The following UNC5C variants were observed in gnomAD, a reference collection of about 807,000 sequenced individuals.
The protein encoded by UNC5C is unc-5 netrin receptor C, also known as netrin receptor UNC5C.
In UNC5C, 47 loss-of-function variants were observed where a neutral mutation model predicts 99.8. That is an observed-to-expected ratio of 0.47 (90% CI 0.37 to 0.60). The LOEUF is 0.60. UNC5C is among the 20% of genes least tolerant of loss of function. The pLI, the probability that UNC5C is intolerant of heterozygous loss-of-function variation, is 0.00. For synonymous variants in UNC5C, 487 were observed against 452.2 expected, an observed-to-expected ratio of 1.08 and a Z score of -0.98; for missense variants, 1,062 against 1,165.9, an observed-to-expected ratio of 0.91 and a Z score of 1.30.
At chr4:95,413,344 T>C (rs1011205245) in intron 1 of UNC5C, among the ~76,000 whole-genome samples, 8 of 152,154 alleles carry the variant, frequency 5.3e-5, no homozygotes, top group Admixed American at 5.2e-4. Context: ...TGCTGACCTA[T>C]ATTTCCCTGC....
chr4:95,230,676 C>G (rs1238077015), intron 7 of UNC5C, among the ~76,000 whole-genome samples: 1 of 151,820 alleles, frequency 6.6e-6, no homozygotes, highest in Admixed American at 6.6e-5. Context: ...GTTTTCCCAA[C>G]ACCATTCATT....
intron 1 of UNC5C, among the ~76,000 whole-genome samples, chr4:95,510,271 C>T (rs1430666274): frequency 6.6e-6 from 1 of 151,764 alleles, no homozygotes; most frequent in Non-Finnish European, 1.5e-5. Context: ...ACTATAAATA[C>T]TTTACTATTA....
intron 1 of UNC5C, among the ~76,000 whole-genome samples, chr4:95,546,547 A>C (rs1425713223): frequency 6.6e-6 from 1 of 152,352 alleles, no homozygotes; most frequent in Non-Finnish European, 1.5e-5. Flanking sequence ...GATTCAAACA[A>C]AAATTTTACT....
In UNC5C at chr4:95,256,141, C is replaced by T. The variant is rs146371061; in HGVS notation, c.595-5474G>A. 3.0e-3 allele frequency among the ~76,000 whole-genome samples: 452 copies of T among 152,160 alleles called. 5 individuals are homozygous for T. Among genetic ancestry groups the T allele is most frequent in the Non-Finnish European group, 2.4e-3 (160 of 68,004 alleles). On this transcript the variant is annotated intron_variant, in intron 4 of 15. Coordinates refer to ENST00000453304, the MANE Select transcript of UNC5C (RefSeq NM_003728.4). ...GGCTAACATTTGTGTCCCTGTGGCT[C>T]GGTCCTTGGAATTCTGCTGCTTTCT... is the stretch of plus-strand genomic sequence containing the variant.
At chr4:95,466,336 C>A (rs1026217895) in intron 1 of UNC5C, among the ~76,000 whole-genome samples, 1 of 152,030 alleles carries the variant, frequency 6.6e-6, no homozygotes, top group Non-Finnish European at 1.5e-5. Flanking sequence ...AGGTAACAGA[C>A]AATAAACAAG....
At chr4:95,238,015 C>T (rs544977685) in intron 7 of UNC5C, among the ~76,000 whole-genome samples, 1 of 151,320 alleles carries the variant, frequency 6.6e-6, no homozygotes, top group Admixed American at 6.6e-5. Context: ...TCCAGCCTGG[C>T]GACAGAGCAA....
intron 7 of UNC5C, among the ~76,000 whole-genome samples, chr4:95,240,229 C>T (rs889806870): frequency 4.6e-5 from 7 of 152,140 alleles, no homozygotes; most frequent in Non-Finnish European, 5.9e-5. Context: ...GTCCCTCTTG[C>T]GAACTTTGCA....
rs191821704 is a variant in UNC5C, at chr4:95,308,481, G to A, written c.347-6732C>T. On this transcript the variant is annotated intron_variant, in intron 2 of 15. Transcript: ENST00000453304. ...AAAACATTAATGGAAGGCCAGGTGC[G>A]GTGGCTCACGCCTGTAATCCCAGCA... Among the ~76,000 whole-genome samples, 55 of 152,080 alleles carry A rather than the reference G, an allele frequency of 3.6e-4. No homozygotes were observed. The East Asian group carries it at 3.7e-3, about 10-fold the overall frequency.
chr4:95,220,072 T>C lies in UNC5C; in HGVS notation c.1213A>G (p.Asn405Asp), dbSNP rs1282221999. 6.2e-7 allele frequency: 1 copy of C among 1,614,150 alleles called. No individual in the cohort carries two copies. The highest frequency in any genetic ancestry group is 1.3e-5 in the African/African-American group (1 of 75,050). Reference protein sequence around the residue: ...VVVALFVYRKNHRDFESDIID... With the variant: ...VVVALFVYRKDHRDFESDIID... Reference sequence around the variant, plus strand: ...ATATCTGACTCAAAGTCACGATGATTCTTCCGATACACAAACAAGGCCACA... The same window carrying C: ...ATATCTGACTCAAAGTCACGATGATCCTTCCGATACACAAACAAGGCCACA... The change falls in exon 8 of 16, where the codon AAT becomes GAT. Residue 405 changes from asparagine (N) to aspartate (D), a missense_variant. Physicochemically the swap from Asn to Asp is conservative, Grantham distance 23. Coordinates refer to ENST00000453304, the MANE Select transcript of UNC5C (RefSeq NM_003728.4).
chr4:95,413,383 C>T (rs1746058316), intron 1 of UNC5C, among the ~76,000 whole-genome samples: 1 of 152,096 alleles, frequency 6.6e-6, no homozygotes, highest in African/African-American at 2.4e-5. Flanking sequence ...TTCTCAAGGC[C>T]CACCCATGGT....
chr4:95,531,249 A>G (rs1722634561), intron 1 of UNC5C, among the ~76,000 whole-genome samples: 1 of 152,292 alleles, frequency 6.6e-6, no homozygotes, highest in African/African-American at 2.4e-5. Flanking sequence ...TCTTTCCTAA[A>G]GTAATGTTTA....
Position 95,163,277 on chromosome 4 carries a change from A to G in UNC5C, c.*5957T>C, listed in dbSNP as rs996637924. The G allele has an allele frequency of 3.9e-5, 6 of 152,164 alleles. No homozygotes were observed. Among genetic ancestry groups the G allele is most frequent in the African/African-American group, 1.4e-4 (6 of 41,438 alleles). The allele number at this position is 152,164 out of a possible 1,614,324, so 9.4% of individuals were successfully genotyped here. A position where few individuals can be genotyped will look rare whatever the true frequency, so the allele number is the denominator to read the frequency against. On this transcript the variant is annotated 3_prime_UTR_variant, in exon 16 of 16. Coordinates refer to ENST00000453304, the MANE Select transcript of UNC5C (RefSeq NM_003728.4). ...ACAGATGCCATTTGTTACTTTCGGG[A>G]TAGAAAAGGCAAAGGTATTTTACAC...
chr4:95,454,858 T>TTTG (rs1747384454), intron 1 of UNC5C, among the ~76,000 whole-genome samples: 1 of 152,158 alleles, frequency 6.6e-6, no homozygotes, highest in Non-Finnish European at 1.5e-5. Context: ...ATCATATCAG[T>TTTG]ATCCAAAGAT....
intron 4 of UNC5C, among the ~76,000 whole-genome samples, chr4:95,276,685 A>T (rs76476747): frequency 0.011 from 1,664 of 152,288 alleles, 34 homozygotes; most frequent in East Asian, 0.092. Context: ...AAAATGAAAT[A>T]TTGAATAGAG....
intron 4 of UNC5C, among the ~76,000 whole-genome samples, chr4:95,261,604 G>A (rs964856594): frequency 1.3e-5 from 2 of 152,022 alleles, no homozygotes; most frequent in African/African-American, 4.8e-5. Flanking sequence ...TTCAAGATAG[G>A]GCTGGATTCA....
chr4:95,426,404 A>G (rs1746486568), intron 1 of UNC5C, among the ~76,000 whole-genome samples: 1 of 152,180 alleles, frequency 6.6e-6, no homozygotes, highest in Non-Finnish European at 1.5e-5. Flanking sequence ...AGACACAACA[A>G]TTTTGAAATT....
intron 1 of UNC5C, among the ~76,000 whole-genome samples, chr4:95,455,833 A>G (rs1747410630): frequency 6.6e-6 from 1 of 152,100 alleles, no homozygotes; most frequent in African/African-American, 2.4e-5. Context: ...CTTCTCATGT[A>G]TTTAGACTAC....
intron 1 of UNC5C, among the ~76,000 whole-genome samples, chr4:95,369,688 C>T (rs1579363730): frequency 6.6e-6 from 1 of 152,126 alleles, no homozygotes; most frequent in African/African-American, 2.4e-5. Flanking sequence ...GTCACATTAG[C>T]AATACCATTG....
At chr4:95,443,053 G>T (rs1308221983) in intron 1 of UNC5C, among the ~76,000 whole-genome samples, 1 of 152,122 alleles carries the variant, frequency 6.6e-6, no homozygotes, top group Non-Finnish European at 1.5e-5. Context: ...AGAAGCTGGG[G>T]ATATTTTAGC....
Sources: allele counts gnomAD v4.1 joint callset (sites outside exome capture counted in the v4.1 genomes callset), GRCh38; gene constraint gnomAD v4.1.1; transcripts MANE v1.5; gene names NCBI Gene and HGNC (gene_info 2026-07-23, HGNC 2026-07-21).